Variants in LRRN1 observed in about 807,000 individuals in gnomAD.
LRRN1 encodes leucine-rich repeat neuronal protein 1.
A neutral mutation model predicts 45.8 loss-of-function variants in LRRN1; 14 were observed. The observed-to-expected ratio is 0.31, with a 90% CI of 0.20 to 0.48. The LOEUF (loss-of-function observed/expected upper bound fraction) is 0.48. LRRN1 is among the 20% of genes least tolerant of loss of function. The pLI is 0.99. For synonymous variants in LRRN1, 359 were observed against 330.1 expected, an observed-to-expected ratio of 1.09 and a Z score of -0.95; for missense variants, 789 against 874.2, an observed-to-expected ratio of 0.90 and a Z score of 1.23.
At chr3:3,803,085 T>A (rs1692689179) in intron 1 of LRRN1, among the ~76,000 whole-genome samples, 1 of 152,234 alleles carries the variant, frequency 6.6e-6, no homozygotes, top group Non-Finnish European at 1.5e-5. Flanking sequence ...CAGCTAGCTC[T>A]GGTTAATGTC....
At chr3:3,821,342 A>G (rs1575287223) in intron 1 of LRRN1, among the ~76,000 whole-genome samples, 2 of 152,338 alleles carry the variant, frequency 1.3e-5, no homozygotes, top group South Asian at 2.1e-4. Flanking sequence ...TGCAGACTGA[A>G]TATTTCTGAA....
chr3:3,803,654 G>C (rs1692700313), intron 1 of LRRN1, among the ~76,000 whole-genome samples: 2 of 152,124 alleles, frequency 1.3e-5, no homozygotes, highest in African/African-American at 4.8e-5. Flanking sequence ...ATAGAGCTCT[G>C]ATTAATATTT....
intron 1 of LRRN1, among the ~76,000 whole-genome samples, chr3:3,830,311 C>T (rs1693338425): frequency 6.6e-6 from 1 of 152,210 alleles, no homozygotes; most frequent in Non-Finnish European, 1.5e-5. Flanking sequence ...AATCATGTTT[C>T]TTCCAAGTCC....
At chr3:3,803,188 C>T (rs544575486) in intron 1 of LRRN1, among the ~76,000 whole-genome samples, 9 of 152,274 alleles carry the variant, frequency 5.9e-5, no homozygotes, top group African/African-American at 2.2e-4. Flanking sequence ...ACTGCTAGAG[C>T]CATTACCACA....
chr3:3,820,665 AC>A (rs1435746323), intron 1 of LRRN1, among the ~76,000 whole-genome samples: 3 of 152,348 alleles, frequency 2.0e-5, no homozygotes, highest in African/African-American at 7.2e-5. Flanking sequence ...CCTGTTTCAG[AC>A]AGGCTTTGTT....
intron 1 of LRRN1, among the ~76,000 whole-genome samples, chr3:3,821,460 C>CT (rs200423059): frequency 3.4e-4 from 51 of 151,522 alleles, no homozygotes; most frequent in South Asian, 6.3e-4. Context: ...TGTACCTTTT[C>CT]TTTTTTTTTG....
intron 1 of LRRN1, among the ~76,000 whole-genome samples, chr3:3,825,317 C>T (rs1451497201): frequency 2.0e-5 from 3 of 152,134 alleles, no homozygotes; most frequent in Non-Finnish European, 2.9e-5. Context: ...ACCAGCTGCG[C>T]CTTTGGGCTT....
intron 1 of LRRN1, among the ~76,000 whole-genome samples, chr3:3,838,877 G>A (rs1161341684): frequency 6.6e-6 from 1 of 151,922 alleles, no homozygotes; most frequent in African/African-American, 2.4e-5. Context: ...TTATTTTGTT[G>A]TAGGAGTTTA....
At chr3:3,837,606 A>G (rs1426650550) in intron 1 of LRRN1, among the ~76,000 whole-genome samples, 1 of 152,116 alleles carries the variant, frequency 6.6e-6, no homozygotes, top group Non-Finnish European at 1.5e-5. Flanking sequence ...AGGAAGGCTA[A>G]ATTGTTTGCT....
chr3:3,804,759 T>A (rs1692720687), intron 1 of LRRN1, among the ~76,000 whole-genome samples: 1 of 147,534 alleles, frequency 6.8e-6, no homozygotes, highest in South Asian at 2.4e-4. Context: ...ACTGGTGGCA[T>A]TTTTTGGTTA....
chr3:3,820,665 A>C (rs564301426), intron 1 of LRRN1, among the ~76,000 whole-genome samples: 1 of 152,348 alleles, frequency 6.6e-6, no homozygotes, highest in East Asian at 1.9e-4. Context: ...CCTGTTTCAG[A>C]CAGGCTTTGT....
At position 3,846,369 on chromosome 3, in the gene LRRN1, C is replaced by A; in HGVS notation, c.1728C>A (p.Val576=). The A allele has an allele frequency of 1.2e-6, 2 of 1,613,728 alleles. No individual in the cohort carries two copies. Among genetic ancestry groups the A allele is most frequent in the Non-Finnish European group, 1.7e-6 (2 of 1,180,010 alleles). The part of the protein sequence containing the change: ...PHITYTARVP[V]DVHEYNLTHL... ...TAACATATACTGCCAGGGTCCCAGT[C>A]GATGTCCATGAATACAACCTAACGC... The change falls in exon 2 of 2, where the codon GTC becomes GTA. Residue 576 remains valine, a synonymous_variant. Coordinates refer to ENST00000319331, the MANE Select transcript of LRRN1 (RefSeq NM_020873.7). This position sits in a 1 kb window ranked among gnomAD's most constrained non-coding sequence, Gnocchi z 5.7.
At chr3:3,821,913 G>A (rs1017856231) in intron 1 of LRRN1, among the ~76,000 whole-genome samples, 6 of 152,166 alleles carry the variant, frequency 3.9e-5, no homozygotes, top group African/African-American at 1.4e-4. Context: ...ACCCTGGAAT[G>A]ACTCAGAGTG....
In LRRN1 at chr3:3,846,588, T is replaced by C. The variant is rs1485975977; in HGVS notation, c.1947T>C (p.Ala649=). The C allele has an allele frequency of 3.1e-6, 5 of 1,614,114 alleles. No individual in the cohort carries two copies. In the South Asian group the frequency reaches 5.5e-5, roughly 18 times the overall value. Residue 649 remains alanine, a synonymous_variant, in exon 2 of 2, where the codon GCT becomes GCC. Transcript: ENST00000319331. The surrounding 1 kb of genome is among the most constrained non-coding windows in gnomAD (Gnocchi z 5.7). The part of the protein sequence containing the change: ...MFAVISLASI[A]VYFAKRFKRK... The stretch of plus-strand genomic sequence containing the variant: ...CCGTCATTAGCCTTGCGTCCATTGC[T>C]GTGTACTTTGCCAAAAGATTTAAGA...
chr3:3,817,209 G>A (rs1423167463), intron 1 of LRRN1, among the ~76,000 whole-genome samples: 1 of 152,152 alleles, frequency 6.6e-6, no homozygotes, highest in Non-Finnish European at 1.5e-5. Context: ...TCAGAGGAAA[G>A]GTTTCAACAA....
In LRRN1 at chr3:3,846,358, A is replaced by G. The variant is rs751995208; in HGVS notation, c.1717A>G (p.Arg573Gly). The G allele has an allele frequency of 3.1e-6, 5 of 1,613,888 alleles. No individual in the cohort carries two copies. In the Admixed American group the frequency reaches 8.3e-5, roughly 27 times the overall value. ...IDNPHITYTA[R>G]VPVDVHEYNL... ...TAACCCTCACATAACATATACTGCC[A>G]GGGTCCCAGTCGATGTCCATGAATA... The change falls in exon 2 of 2, where the codon AGG becomes GGG. Residue 573 changes from arginine to glycine, a missense_variant. Physicochemically the swap from Arg to Gly is moderately radical, Grantham distance 125. Transcript: ENST00000319331. This position sits in a 1 kb window ranked among gnomAD's most constrained non-coding sequence, Gnocchi z 5.7.
chr3:3,835,584 ATTTTTT>A (rs59300921), intron 1 of LRRN1, among the ~76,000 whole-genome samples: 5 of 135,260 alleles, frequency 3.7e-5, no homozygotes, highest in African/African-American at 8.2e-5. Context: ...GAGCTGCCTG[ATTTTTT>A]TTTTTTTTTT....
At chr3:3,823,253 G>A (rs1478596271) in intron 1 of LRRN1, among the ~76,000 whole-genome samples, 1 of 152,082 alleles carries the variant, frequency 6.6e-6, no homozygotes, top group Non-Finnish European at 1.5e-5. Flanking sequence ...TTAGAGCATG[G>A]GCTTTGAAAC....
intron 1 of LRRN1, among the ~76,000 whole-genome samples, chr3:3,841,564 G>A (rs1001652221): frequency 1.3e-5 from 2 of 151,926 alleles, no homozygotes; most frequent in African/African-American, 4.8e-5. Flanking sequence ...TGTTGCCCAG[G>A]CTGGAGTGCA....
Sources: gnomAD v4.1 joint callset for allele counts (sites outside exome capture counted in the v4.1 genomes callset) on GRCh38, gnomAD v4.1.1 for gene constraint, Gnocchi (gnomAD v3.1) non-coding constraint, MANE v1.5 for transcripts, NCBI Gene and HGNC (gene_info 2026-07-23, HGNC 2026-07-21) for gene names.